The following TPM2 variants were observed in gnomAD, a reference collection of about 807,000 sequenced individuals.
The protein encoded by TPM2 is tropomyosin 2.
Under a neutral mutation model 41.0 loss-of-function variants are expected in TPM2, and 26 were observed. The observed-to-expected ratio is 0.63, with a 90% CI of 0.46 to 0.88. The LOEUF (loss-of-function observed/expected upper bound fraction) is 0.88, where lower values mean the gene tolerates loss of function less well. Among genes scored for constraint, TPM2 ranks in the 40% least tolerant of loss-of-function variants. TPM2 has a pLI of 0.00. For missense variants in TPM2, 187 were observed against 355.2 expected, an observed-to-expected ratio of 0.53 and a Z score of 3.81; for synonymous variants, 143 against 139.3, an observed-to-expected ratio of 1.03 and a Z score of -0.19.
chr9:35,683,917 G>T (rs947088023), intron 8 of TPM2: 2 of 389,286 alleles, frequency 5.1e-6, no homozygotes, highest in Non-Finnish European at 9.8e-6. Context: ...ATGAGGACCA[G>T]CAGCATTGGC....
intron 6 of TPM2, 33 bp from the exon 7 acceptor site, chr9:35,684,583 C>G: frequency 6.2e-7 from 1 of 1,613,840 alleles, no homozygotes; most frequent in Non-Finnish European, 8.5e-7. Flanking sequence ...ATCAGTACAG[C>G]GCTACCACAG....
At chr9:35,688,450 G>A (rs1825064174) in intron 2 of TPM2, among the ~76,000 whole-genome samples, 1 of 152,202 alleles carries the variant, frequency 6.6e-6, no homozygotes, top group South Asian at 2.1e-4. Flanking sequence ...TGGGGGTTGG[G>A]AATGGCAGGA....
At chr9:35,682,026 C>T (rs1824593076), downstream of TPM2, 2 of 1,577,916 alleles carry the variant, frequency 1.3e-6, no homozygotes, top group Non-Finnish European at 1.7e-6. Context: ...CTAGTAACAT[C>T]AGTTTTATTG....
At position 35,684,252 on chromosome 9, in the gene TPM2, G is replaced by C; in HGVS notation, c.766C>G (p.Leu256Val). 6.2e-7 allele frequency: 1 copy of C among 1,614,150 alleles called. No individual in the cohort carries two copies. Among genetic ancestry groups the C allele is most frequent in the Non-Finnish European group, 8.5e-7 (1 of 1,180,002 alleles). The stretch of plus-strand genomic sequence containing the variant: ...TTATAAAGGCTTCTTTTACCTTCTA[G>C]GTCATCGATGGTTTTCTCCAACTTT... ...VAKLEKTIDD[L>V]EDEVYAQKMK... The change falls in exon 8 of 9, where the codon CTA (leucine) becomes GTA (valine). Residue 256 changes from leucine (L) to valine (V), a missense_variant. Coordinates refer to ENST00000645482, the MANE Select transcript of TPM2 (RefSeq NM_003289.4).
chr9:35,689,482 C>CTG, intron 1 of TPM2: 1 of 880,128 alleles, frequency 1.1e-6, no homozygotes, highest in Non-Finnish European at 1.4e-6. Flanking sequence ...CAACCGCGCT[C>CTG]TGCAAAGGCA....
At chr9:35,690,024 C>A (rs1157367423), upstream of TPM2, 34 of 1,396,528 alleles carry the variant, frequency 2.4e-5, no homozygotes, top group Non-Finnish European at 2.5e-5. Context: ...CTTGTAGGGG[C>A]AGAAGCACGG....
rs2131854879 is a variant in TPM2, at chr9:35,686,216, C to T, written c.241-436G>A. On this transcript the variant is annotated intron_variant, in intron 2 of 8. Coordinates refer to ENST00000645482, the MANE Select transcript of TPM2 (RefSeq NM_003289.4). ...AGTGAGCTGAGGTCGTGCCACTGCA[C>T]TCCAGCCTGGGTAAAAAGAACGAAA... The T allele has an allele frequency of 1.2e-5, 3 of 254,908 alleles. No individual in the cohort carries two copies. The South Asian group carries it at 1.4e-4, about 12-fold the overall frequency. 15.8% of individuals were successfully genotyped at this position (254,908 alleles called of 1,614,324 possible).
Position 35,684,825 on chromosome 9 carries a change from C to A in TPM2, c.564-18G>T. On this transcript the variant is annotated intron_variant, in intron 5 of 8. Transcript: ENST00000645482. ...CACATTTACTGCAGGGGGTGTGTGGCGGGGGGGGCAGGGTGTGAGGGCACA... is the reference window on the plus strand; with the variant it reads ...CACATTTACTGCAGGGGGTGTGTGGAGGGGGGGGCAGGGTGTGAGGGCACA... 6.3e-7 allele frequency: 1 copy of A among 1,597,188 alleles called. No homozygotes were observed. Among genetic ancestry groups the A allele is most frequent in the Non-Finnish European group, 8.6e-7 (1 of 1,169,304 alleles).
In TPM2 at chr9:35,685,364, T is replaced by C. The variant is rs73436798; in HGVS notation, c.493-25A>G. The C allele has an allele frequency of 2.6e-4, 419 of 1,613,882 alleles. 1 individual carries two copies. In the African/African-American group the frequency reaches 5.2e-3, roughly 20 times the overall value. ...CCTGTGGGGAGTGAGAAAGAGAGGGTAGATCAGTGGAGAAGGACTGGGCAT... is the reference window on the plus strand; with the variant it reads ...CCTGTGGGGAGTGAGAAAGAGAGGGCAGATCAGTGGAGAAGGACTGGGCAT... On this transcript the variant is annotated intron_variant, in intron 4 of 8. Coordinates refer to ENST00000645482, the MANE Select transcript of TPM2 (RefSeq NM_003289.4). This position sits in a 1 kb window ranked among gnomAD's most constrained non-coding sequence, Gnocchi z 5.0.
At position 35,685,869 on chromosome 9, in the gene TPM2, G is replaced by A. The variant is rs1328162960; in HGVS notation, c.241-89C>T. 6.3e-7 allele frequency: 1 copy of A among 1,598,898 alleles called. No homozygotes were observed. Among genetic ancestry groups the A allele is most frequent in the African/African-American group, 1.3e-5 (1 of 74,574 alleles). ...CCAGAGGATGGCGAGATTCTTCTCA[G>A]AAAGAACTGAGGCTTCCTGGTTTCT... On this transcript the variant is annotated intron_variant, in intron 2 of 8. Transcript: ENST00000645482. This position sits in a 1 kb window ranked among gnomAD's most constrained non-coding sequence, Gnocchi z 5.0.
At chr9:35,684,197 G>T in intron 8 of TPM2, 49 bp downstream of exon 8, 1 of 1,579,228 alleles carries the variant, frequency 6.3e-7, no homozygotes, top group South Asian at 1.1e-5. Context: ...GTACAGGACA[G>T]ACTGATAATC....
downstream of TPM2, chr9:35,682,478 C>A: frequency 3.1e-6 from 4 of 1,303,148 alleles, no homozygotes; most frequent in Non-Finnish European, 3.9e-6. Context: ...AAGACTGCGC[C>A]AGGAAAGGAA....
Position 35,689,823 on chromosome 9 carries a change from C to T in TPM2, c.-6G>A. 3 of 1,613,104 alleles carry T rather than the reference C, an allele frequency of 1.9e-6. No individual in the cohort carries two copies. The highest frequency in any genetic ancestry group is 1.7e-6 in the Non-Finnish European group (2 of 1,179,356). ...TTCTTCTTGATGGCGTCCATGGCTG[C>T]GGTGGGGGGTGGGCCGGCCGGCAGG... On this transcript the variant is annotated 5_prime_UTR_variant, in exon 1 of 9. Transcript: ENST00000645482.
rs551192098 is a variant in TPM2, at chr9:35,685,003, C to T, written c.564-196G>A. ...GAAAGAGCAGCCTGCGGTGCTGAGA[C>T]GGAGGGAAGGTGAGCTGAGAGAAGG... On this transcript the variant is annotated intron_variant, in intron 5 of 8. Coordinates refer to ENST00000645482, the MANE Select transcript of TPM2 (RefSeq NM_003289.4). This position sits in a 1 kb window ranked among gnomAD's most constrained non-coding sequence, Gnocchi z 5.0. 135 of 1,614,070 alleles carry T rather than the reference C, an allele frequency of 8.4e-5. No homozygotes were observed. Among genetic ancestry groups the T allele is most frequent in the Middle Eastern group, 4.9e-4 (3 of 6,062 alleles).
upstream of TPM2, chr9:35,689,935 C>G (rs986048371): frequency 3.2e-6 from 5 of 1,583,006 alleles, no homozygotes; most frequent in Middle Eastern, 1.7e-4. Context: ...TGGGACGTCC[C>G]GGCCACGCGG....
chr9:35,687,948 C>T (rs970379487), intron 2 of TPM2, among the ~76,000 whole-genome samples: 2 of 152,100 alleles, frequency 1.3e-5, no homozygotes, highest in Non-Finnish European at 2.9e-5. Context: ...GAAACTGAGG[C>T]ACCATGTAAG....
At chr9:35,689,090 G>A (rs1825103169) in intron 2 of TPM2, 56 bp downstream of exon 2, 1 of 1,607,330 alleles carries the variant, frequency 6.2e-7, no homozygotes, top group Admixed American at 1.7e-5. Flanking sequence ...CCCATACCCG[G>A]GGGGCCCCTT....
rs1394575742 is a variant in TPM2 at position 35,685,749 on chromosome 9, C to T, written c.272G>A (p.Arg91His). 9 of 1,614,066 alleles carry T rather than the reference C, an allele frequency of 5.6e-6. No homozygotes were observed. The highest frequency in any genetic ancestry group is 6.8e-6 in the Non-Finnish European group (8 of 1,180,034). Reference protein sequence around the residue: ...AEADVASLNRRIQLVEEELDR... With the variant: ...AEADVASLNRHIQLVEEELDR... The stretch of plus-strand genomic sequence containing the variant: ...CAGCTCCTCCTCAACCAGCTGAATG[C>T]GGCGGTTCAGGGAGGCCACATCTGC... Residue 91 changes from arginine to histidine, a missense_variant, in exon 3 of 9, where the codon CGC becomes CAC. Physicochemically the swap from Arg to His is conservative, Grantham distance 29. Coordinates refer to ENST00000645482, the MANE Select transcript of TPM2 (RefSeq NM_003289.4). This position sits in a 1 kb window ranked among gnomAD's most constrained non-coding sequence, Gnocchi z 5.0.
chr9:35,689,821 T>C lies in TPM2; in HGVS notation c.-4A>G, dbSNP rs1057522860. ...TCTTCTTCTTGATGGCGTCCATGGC[T>C]GCGGTGGGGGGTGGGCCGGCCGGCA... On this transcript the variant is annotated 5_prime_UTR_variant, in exon 1 of 9. Transcript: ENST00000645482. 6.2e-7 allele frequency: 1 copy of C among 1,613,236 alleles called. No homozygotes were observed. Among genetic ancestry groups the C allele is most frequent in the Non-Finnish European group, 8.5e-7 (1 of 1,179,450 alleles).
Sources: allele counts gnomAD v4.1 joint callset (sites outside exome capture counted in the v4.1 genomes callset), GRCh38; gene constraint gnomAD v4.1.1; non-coding constraint Gnocchi (gnomAD v3.1); transcripts MANE v1.5; gene names NCBI Gene and HGNC (gene_info 2026-07-23, HGNC 2026-07-21).